The following LYST variants were observed in gnomAD, a reference collection of about 807,000 sequenced individuals.
The protein encoded by LYST is lysosomal trafficking regulator.
In LYST, 192 loss-of-function variants were observed where a neutral mutation model predicts 413.6. The ratio of observed to expected loss-of-function variants is 0.46; its 90% CI spans 0.41 to 0.52. The LOEUF (loss-of-function observed/expected upper bound fraction) is 0.52, where lower values mean the gene tolerates loss of function less well. LYST is among the 20% of genes least tolerant of loss of function. The pLI is 0.00. For synonymous variants in LYST, 1,525 were observed against 1,567.3 expected (o/e 0.97, Z 0.64); for missense variants, 3,815 against 4,499.9 (o/e 0.85, Z 4.35).
At chr1:235,738,686 G>A in intron 31 of LYST, 1 of 1,607,140 alleles carries the variant, frequency 6.2e-7, no homozygotes, top group South Asian at 1.1e-5. Context: ...AGTGGAAAGA[G>A]GTTCACAAGC....
At chr1:235,843,568 C>T (rs1204545712) in intron 1 of LYST, among the ~76,000 whole-genome samples, 1 of 152,006 alleles carries the variant, frequency 6.6e-6, no homozygotes, top group Non-Finnish European at 1.5e-5. Context: ...AGCTGCACAC[C>T]TTATGACAGA....
At chr1:235,879,740 C>CTTTTT (rs66680369) in intron 1 of LYST, among the ~76,000 whole-genome samples, 1 of 146,282 alleles carries the variant, frequency 6.8e-6, no homozygotes, top group African/African-American at 2.5e-5. Context: ...TTCTTTCTTT[C>CTTTTT]TTTTTTTTTT....
At chr1:235,710,572 T>C (rs940299550) in intron 43 of LYST, among the ~76,000 whole-genome samples, 1 of 152,196 alleles carries the variant, frequency 6.6e-6, no homozygotes, top group Non-Finnish European at 1.5e-5. Flanking sequence ...AATGATATGA[T>C]ATACGCTGTA....
In LYST at chr1:235,773,894, A is replaced by G; in HGVS notation, c.5732T>C (p.Val1911Ala). The G allele has an allele frequency of 6.2e-7, 1 of 1,611,488 alleles. No individual in the cohort carries two copies. Among genetic ancestry groups the G allele is most frequent in the Non-Finnish European group, 8.5e-7 (1 of 1,177,720 alleles). Residue 1911 changes from valine (V) to alanine (A), a missense_variant, in exon 19 of 53, where the codon GTT (valine) becomes GCT (alanine). Physicochemically the swap from Val to Ala is moderately conservative, Grantham distance 64. This residue lies in a region of LYST where 530 missense variants were observed against 696.5 expected (regional missense o/e 0.76). Coordinates refer to ENST00000389793, the MANE Select transcript of LYST (RefSeq NM_000081.4). Reference sequence around the variant, plus strand: ...AAGCAATAGTTCCTCTAACAGCTTAACATCTTGGATTATAGCATTAGAGTC... The same window carrying G: ...AAGCAATAGTTCCTCTAACAGCTTAGCATCTTGGATTATAGCATTAGAGTC... Reference protein sequence around the residue: ...DVDSNAIIQDVKLLEELLLDW... With the variant: ...DVDSNAIIQDAKLLEELLLDW...
In LYST at chr1:235,746,441, G is replaced by A; in HGVS notation, c.7867C>T (p.Gln2623Ter). 6.2e-7 allele frequency: 1 copy of A among 1,613,786 alleles called. No homozygotes were observed. The highest frequency in any genetic ancestry group is 8.5e-7 in the Non-Finnish European group (1 of 1,179,792). The change falls in exon 29 of 53, where the codon CAA (glutamine) becomes TAA (stop). Residue 2623 changes from glutamine to a stop codon, truncating the protein, a stop_gained. Coordinates refer to ENST00000389793, the MANE Select transcript of LYST (RefSeq NM_000081.4). LOFTEE classifies it high-confidence loss of function. Reference protein sequence around the residue: ...VANDELHVMMQRRMSQENPSQ... With the variant: ...VANDELHVMM ...GGGTTCTCTTGGCTCATTCTCCGTT[G>A]CATCATCACATGAAGCTCATCATTT...
intron 30 of LYST, among the ~76,000 whole-genome samples, chr1:235,742,459 A>G (rs926672112): frequency 6.6e-6 from 1 of 151,662 alleles, no homozygotes; most frequent in Non-Finnish European, 1.5e-5. Flanking sequence ...CATCTCAGAA[A>G]AAAAAAAAAA....
Position 235,809,064 on chromosome 1 carries a change from C to A in LYST, c.1754G>T (p.Cys585Phe). 6.2e-7 allele frequency: 1 copy of A among 1,614,112 alleles called. No homozygotes were observed. Among genetic ancestry groups the A allele is most frequent in the Non-Finnish European group, 8.5e-7 (1 of 1,179,982 alleles). Residue 585 changes from cysteine (C) to phenylalanine (F), a missense_variant, in exon 5 of 53, where the codon TGT (cysteine) becomes TTT (phenylalanine). Transcript: ENST00000389793. This position sits in a 1 kb window ranked among gnomAD's most constrained non-coding sequence, Gnocchi z 4.0. ...SGVHNIGICCCMDPKSVIIPL... is the reference protein window; with the variant it reads ...SGVHNIGICCFMDPKSVIIPL... ...AATGATTACAGATTTGGGATCCATA[C>A]AACAGCATATTCCAATGTTATGAAC...
chr1:235,784,556 A>ACCC (rs1344753233), intron 14 of LYST, among the ~76,000 whole-genome samples: 96 of 152,226 alleles, frequency 6.3e-4, no homozygotes, highest in African/African-American at 2.0e-3. Context: ...TTTAGGTTAA[A>ACCC]CTTTCAGCTC....
intron 44 of LYST, among the ~76,000 whole-genome samples, chr1:235,708,046 T>C (rs1453383500): frequency 3.3e-5 from 5 of 152,300 alleles, no homozygotes; most frequent in African/African-American, 9.6e-5. Flanking sequence ...TTAAGAATGC[T>C]CTACCTATAG....
chr1:235,818,434 G>C (rs1674406681), intron 3 of LYST, among the ~76,000 whole-genome samples: 1 of 152,234 alleles, frequency 6.6e-6, no homozygotes, highest in Non-Finnish European at 1.5e-5. Context: ...ACCTAACATG[G>C]AGTTGGGTAT....
chr1:235,771,896 T>C (rs374155665), intron 19 of LYST, among the ~76,000 whole-genome samples: 2 of 150,904 alleles, frequency 1.3e-5, no homozygotes, highest in African/African-American at 4.9e-5. Context: ...TACTAATAGA[T>C]TAGAAAAGGT....
At chr1:235,827,612 A>C in intron 3 of LYST, 1 of 984,238 alleles carries the variant, frequency 1.0e-6, no homozygotes. Flanking sequence ...TAATTGAAAG[A>C]ACTAAATGTT....
chr1:235,859,661 T>C (rs1460333822), intron 1 of LYST, among the ~76,000 whole-genome samples: 1 of 152,150 alleles, frequency 6.6e-6, no homozygotes, highest in Non-Finnish European at 1.5e-5. Flanking sequence ...TGCATCCCCA[T>C]TCACCCTCAG....
chr1:235,824,052 G>A (rs1173211926), intron 3 of LYST, among the ~76,000 whole-genome samples: 1 of 152,068 alleles, frequency 6.6e-6, no homozygotes, highest in East Asian at 1.9e-4. Context: ...ATCACTACAG[G>A]TAGCCCATTT....
intron 10 of LYST, among the ~76,000 whole-genome samples, chr1:235,797,081 T>C (rs1420667328): frequency 2.6e-5 from 4 of 152,190 alleles, no homozygotes; most frequent in Non-Finnish European, 4.4e-5. Flanking sequence ...ATTTCTCAAA[T>C]GATTAAACAC....
Position 235,712,769 on chromosome 1 carries a change from T to C in LYST, c.9785-572A>G, listed in dbSNP as rs971532988. ...AGCTAAAGAATTGAGTAAAATTTCC[T>C]GTGAATGAAAATAAAAATAAGCATA... On this transcript the variant is annotated intron_variant, in intron 42 of 52. Coordinates refer to ENST00000389793, the MANE Select transcript of LYST (RefSeq NM_000081.4). 1.5e-5 allele frequency: 15 copies of C among 985,174 alleles called. No homozygotes were observed. The South Asian group carries it at 6.1e-4, about 40-fold the overall frequency. 61.0% of individuals were successfully genotyped at this position (985,174 alleles called of 1,614,324 possible). A position where few individuals can be genotyped will look rare whatever the true frequency, so the allele number is the denominator to read the frequency against.
At position 235,766,121 on chromosome 1, in the gene LYST, C is replaced by T. The variant is rs374351038; in HGVS notation, c.6079G>A (p.Val2027Ile). Reference protein sequence around the residue: ...LAVHPPTNTYVCHNPTNFYFS... With the variant: ...LAVHPPTNTYICHNPTNFYFS... Reference sequence around the variant, plus strand: ...TAGAAGTTCGTGGGATTGTGACAAACGTAAGTATTAGTAGGAGGGTGAACT... The same window carrying T: ...TAGAAGTTCGTGGGATTGTGACAAATGTAAGTATTAGTAGGAGGGTGAACT... The change falls in exon 21 of 53, where the codon GTT becomes ATT. Residue 2027 changes from valine to isoleucine, a missense_variant. Coordinates refer to ENST00000389793, the MANE Select transcript of LYST (RefSeq NM_000081.4). 1.2e-5 allele frequency: 19 copies of T among 1,613,352 alleles called. No homozygotes were observed. The highest frequency in any genetic ancestry group is 2.2e-5 in the South Asian group (2 of 91,078).
intron 3 of LYST, 179 bp downstream of exon 3, chr1:235,830,047 T>C: frequency 1.7e-6 from 1 of 586,734 alleles, no homozygotes; most frequent in Non-Finnish European, 3.0e-6. Flanking sequence ...TTCAGACGTT[T>C]TGAAAGTATT....
At chr1:235,882,756 G>A (rs1265893176) in intron 1 of LYST, among the ~76,000 whole-genome samples, 3 of 152,080 alleles carry the variant, frequency 2.0e-5, no homozygotes, top group Admixed American at 6.5e-5. Context: ...GAAAGAATAA[G>A]TCCATGTTGG....
Sources: gnomAD v4.1 joint callset for allele counts (sites outside exome capture counted in the v4.1 genomes callset) on GRCh38, gnomAD v4.1.1 for gene constraint, gnomAD v4.1.1 regional missense constraint, Gnocchi (gnomAD v3.1) non-coding constraint, MANE v1.5 for transcripts, NCBI Gene and HGNC (gene_info 2026-07-23, HGNC 2026-07-21) for gene names.